The following SMIM7 variants were observed in gnomAD, a reference collection of about 807,000 sequenced individuals.
The protein encoded by SMIM7 is UPF0608 protein C19orf42.
SMIM7 carries 12 observed loss-of-function variants against 13.3 expected under a neutral mutation model. The ratio of observed to expected loss-of-function variants is 0.90; its 90% confidence interval spans 0.58 to 1.46. The LOEUF (loss-of-function observed/expected upper bound fraction) is 1.46. SMIM7 is among the 40% of genes most tolerant of loss of function. SMIM7 has a pLI of 0.00. For synonymous variants in SMIM7, 36 were observed against 35.8 expected (o/e 1.01, Z -0.02); for missense variants, 114 against 94.8 (o/e 1.20, Z -0.84).
intron 4 of SMIM7, among the ~76,000 whole-genome samples, chr19:16,639,164 CA>C (rs2086384153): frequency 6.6e-6 from 1 of 150,822 alleles, no homozygotes; most frequent in South Asian, 2.1e-4. Flanking sequence ...CTCTGTCGCC[CA>C]GGCTGGAGTG....
chr19:16,659,574 C>T (rs1470919144), intron 2 of SMIM7, 127 bp from the exon 3 acceptor site: 1 of 932,060 alleles, frequency 1.1e-6, no homozygotes, highest in Non-Finnish European at 1.7e-6. Flanking sequence ...TGCTGTGTGA[C>T]CTCTGACGTT....
chr19:16,644,077 G>C (rs1599363573), downstream of SMIM7: 1 of 150,832 alleles, frequency 6.6e-6, no homozygotes, highest in East Asian at 1.9e-4. Context: ...CATGGGGATG[G>C]TGAAGACAGG....
intron 2 of SMIM7, 160 bp downstream of exon 2, chr19:16,659,799 G>A: frequency 1.1e-6 from 1 of 907,648 alleles, no homozygotes; most frequent in Non-Finnish European, 1.7e-6. Flanking sequence ...GGGGGTGGGG[G>A]GCGAGGAAGA....
chr19:16,641,571 T>G (rs1656100266), downstream of SMIM7: 1 of 152,328 alleles, frequency 6.6e-6, no homozygotes, highest in East Asian at 1.9e-4. Context: ...GTGCTAGGAT[T>G]ACAGGCGTGA....
chr19:16,635,648 G>A lies in SMIM7; in HGVS notation c.*138-3924C>T, dbSNP rs565670867. Reference sequence around the variant, plus strand: ...AGTAATCTCAGCACTTTGAGAGGCCGAGGCGGGCGGATCACTTGAGGTCAG... The same window carrying A: ...AGTAATCTCAGCACTTTGAGAGGCCAAGGCGGGCGGATCACTTGAGGTCAG... On this transcript the variant is annotated intron_variant and NMD_transcript_variant, in intron 4 of 4. Coordinates refer to the SMIM7 transcript ENST00000465250. Among the ~76,000 whole-genome samples, 76 of 151,972 alleles carry A rather than the reference G, an allele frequency of 5.0e-4. 1 individual carries two copies. The highest frequency in any genetic ancestry group is 1.8e-3 in the African/African-American group (73 of 41,462).
downstream of SMIM7, among the ~76,000 whole-genome samples, chr19:16,642,884 C>T (rs976909284): frequency 3.4e-5 from 5 of 148,864 alleles, no homozygotes; most frequent in East Asian, 1.0e-3. Flanking sequence ...AGTGCAGCGG[C>T]GCGATCATGG....
intron 3 of SMIM7, among the ~76,000 whole-genome samples, chr19:16,656,106 C>T (rs946687567): frequency 1.3e-5 from 2 of 152,196 alleles, no homozygotes; most frequent in Non-Finnish European, 2.9e-5. Flanking sequence ...TCATTCCAGG[C>T]CGGGTGCAGT....
Position 16,654,557 on chromosome 19 carries a change from T to A in SMIM7, c.122-432A>T, listed in dbSNP as rs10419028. On this transcript the variant is annotated intron_variant, in intron 3 of 4. Transcript: ENST00000487416. ...TGAGCTAATAGTTTTTACTTTTTTT[T>A]AAAATATAAAGATGGGGTTTTGCTA... 6.5e-3 allele frequency among the ~76,000 whole-genome samples: 988 copies of A among 152,226 alleles called. 12 individuals carry two copies. The highest frequency in any genetic ancestry group is 0.021 in the African/African-American group (883 of 41,528).
chr19:16,639,136 T>C (rs1231801364), intron 4 of SMIM7, among the ~76,000 whole-genome samples: 1 of 151,372 alleles, frequency 6.6e-6, no homozygotes, highest in Non-Finnish European at 1.5e-5. Flanking sequence ...TTTTTTTTTT[T>C]TTTGAGACGG....
At chr19:16,631,268 C>G (rs1347966892) in exon 5 of SMIM7, 1 of 152,138 alleles carries the variant, frequency 6.6e-6, no homozygotes, top group Non-Finnish European at 1.5e-5. Context: ...CACCTGTATT[C>G]CCAGCTACTT....
At chr19:16,653,053 T>C (rs1344534491) in intron 4 of SMIM7, 7 of 1,407,316 alleles carry the variant, frequency 5.0e-6, no homozygotes, top group Non-Finnish European at 6.7e-6. Context: ...GATCTGGCAG[T>C]GTGCTGGACA....
chr19:16,638,224 G>A (rs1282122236), intron 4 of SMIM7, among the ~76,000 whole-genome samples: 1 of 151,694 alleles, frequency 6.6e-6, no homozygotes, highest in East Asian at 1.9e-4. Flanking sequence ...CTGGGATCAC[G>A]CCACTGCACT....
chr19:16,644,216 G>T (rs900476348), downstream of SMIM7, among the ~76,000 whole-genome samples: 3 of 148,158 alleles, frequency 2.0e-5, no homozygotes, highest in African/African-American at 7.6e-5. Flanking sequence ...CGCCTCCCTG[G>T]TTCAAGTGAT....
Position 16,639,120 on chromosome 19 carries a change from A to ATTT in SMIM7, c.*138-7399_*138-7397dup, listed in dbSNP as rs1286703534. 8.8e-4 allele frequency among the ~76,000 whole-genome samples: 118 copies of ATTT among 133,480 alleles called. 1 individual carries two copies. Among genetic ancestry groups the ATTT allele is most frequent in the African/African-American group, 3.0e-3 (106 of 34,806 alleles). 87.6% of individuals were successfully genotyped at this position (133,480 alleles called of 152,430 possible). The stretch of plus-strand genomic sequence containing the variant: ...AAACAGGATCCACTAGTAAGATGTC[A>ATTT]TTTTTTTTTTTTTTTTTTTGAGACG... On this transcript the variant is annotated intron_variant and NMD_transcript_variant, in intron 4 of 4. Coordinates refer to the SMIM7 transcript ENST00000465250.
intron 3 of SMIM7, among the ~76,000 whole-genome samples, chr19:16,655,001 G>A (rs940068849): frequency 6.6e-6 from 1 of 152,080 alleles, no homozygotes; most frequent in African/African-American, 2.4e-5. Context: ...AAAGAAAGGG[G>A]AATTGAGAGC....
At chr19:16,644,917 C>T (rs1599364345), downstream of SMIM7, 2 of 152,102 alleles carry the variant, frequency 1.3e-5, no homozygotes, top group Admixed American at 6.6e-5. Context: ...ACTTGCAGGC[C>T]GATTTTAGAG....
intron 4 of SMIM7, 102 bp from the exon 5 acceptor site, chr19:16,647,363 T>C: frequency 7.5e-7 from 1 of 1,339,896 alleles, no homozygotes. Context: ...ATTACTTAGA[T>C]GATTTTACAT....
chr19:16,640,526 T>C (rs1402372585), intron 4 of SMIM7: 4 of 152,246 alleles, frequency 2.6e-5, no homozygotes, highest in Non-Finnish European at 5.9e-5. Flanking sequence ...CGCTGGCTTT[T>C]CAAATCTAAC....
chr19:16,648,961 G>A (rs1218410712), intron 4 of SMIM7, among the ~76,000 whole-genome samples: 1 of 152,150 alleles, frequency 6.6e-6, no homozygotes. Context: ...GTTGCAGTGA[G>A]CTGAGATTGT....
Sources: gnomAD v4.1 joint callset for allele counts (sites outside exome capture counted in the v4.1 genomes callset) on GRCh38, gnomAD v4.1.1 for gene constraint, MANE v1.5 for transcripts, NCBI Gene and HGNC (gene_info 2026-07-23, HGNC 2026-07-21) for gene names.